Variants in PIWIL1 observed in about 807,000 individuals in gnomAD.
PIWIL1 encodes the protein piwi-like protein 1.
A neutral mutation model predicts 114.4 loss-of-function variants in PIWIL1; 73 were observed. The observed-to-expected ratio is 0.64, with a 90% CI of 0.53 to 0.78. The LOEUF is 0.78. Among genes scored for constraint, PIWIL1 ranks in the 30% least tolerant of loss-of-function variants. The pLI is 0.00. For synonymous variants in PIWIL1, 375 were observed against 369.0 expected, an observed-to-expected ratio of 1.02 and a Z score of -0.19; for missense variants, 723 against 1,063.1, an observed-to-expected ratio of 0.68 and a Z score of 4.45.
chr12:130,342,547 T>C, intron 1 of PIWIL1, 33 bp from the exon 2 acceptor site: 3 of 1,260,382 alleles, frequency 2.4e-6, no homozygotes, highest in Non-Finnish European at 3.5e-6. Context: ...TTGCCTCCAT[T>C]GAGTATTGTC....
chr12:130,395,337 G>A, the PIWIL1 span, among the ~76,000 whole-genome samples: 18 of 152,200 alleles, frequency 1.2e-4, no homozygotes, highest in Non-Finnish European at 2.1e-4. Context: ...GTGACTCTCA[G>A]CTCAGTCTGG....
At chr12:130,422,195 A>G in the PIWIL1 span, among the ~76,000 whole-genome samples, 1 of 152,204 alleles carries the variant, frequency 6.6e-6, no homozygotes, top group East Asian at 1.9e-4. This position sits in a 1 kb window ranked among gnomAD's most constrained non-coding sequence, Gnocchi z 5.2. Flanking sequence ...TCCCCCCTTC[A>G]GTGCTTACCC....
At chr12:130,409,827 G>A in the PIWIL1 span, among the ~76,000 whole-genome samples, 11 of 152,228 alleles carry the variant, frequency 7.2e-5, no homozygotes, top group East Asian at 5.8e-4. Context: ...TTTGATGACC[G>A]TTGGTCAAAC....
At chr12:130,364,517 T>C (rs1203198113) in intron 18 of PIWIL1, among the ~76,000 whole-genome samples, 2 of 152,332 alleles carry the variant, frequency 1.3e-5, no homozygotes, top group South Asian at 4.1e-4. Context: ...AAGTCAGGAG[T>C]GTTTTTATCT....
At chr12:130,396,995 G>A in the PIWIL1 span, 1 of 160,694 alleles carries the variant, frequency 6.2e-6, no homozygotes, top group Non-Finnish European at 1.4e-5. Flanking sequence ...CAAGCATTTT[G>A]AGAAGGGAGA....
intron 4 of PIWIL1, 152 bp from the exon 5 acceptor site, chr12:130,346,218 G>T: frequency 1.6e-6 from 1 of 620,926 alleles, no homozygotes; most frequent in South Asian, 2.1e-5. Context: ...AGAGACTAGT[G>T]GTCTCCAAAG....
At chr12:130,376,095 T>C (rs557893787), downstream of PIWIL1, among the ~76,000 whole-genome samples, 22 of 152,228 alleles carry the variant, frequency 1.4e-4, no homozygotes, top group Admixed American at 3.9e-4. Context: ...CCAGACCACA[T>C]CTCCAGGCCC....
At chr12:130,349,181 G>C in intron 7 of PIWIL1, 58 bp from the exon 8 acceptor site, 1 of 1,264,034 alleles carries the variant, frequency 7.9e-7, no homozygotes, top group Non-Finnish European at 1.1e-6. Flanking sequence ...GCAACTTAGT[G>C]TGTGCAGAAT....
At chr12:130,419,064 C>T in the PIWIL1 span, among the ~76,000 whole-genome samples, 6 of 152,290 alleles carry the variant, frequency 3.9e-5, no homozygotes, top group East Asian at 1.2e-3. This position sits in a 1 kb window ranked among gnomAD's most constrained non-coding sequence, Gnocchi z 4.3. Flanking sequence ...TATGTTCTTC[C>T]AGAGAGGATG....
intron 11 of PIWIL1, 100 bp from the exon 12 acceptor site, chr12:130,355,453 G>A (rs1178255647): frequency 1.9e-5 from 17 of 891,930 alleles, no homozygotes; most frequent in Middle Eastern, 2.2e-4. Context: ...CCCTGACGGC[G>A]ACATTGGAGT....
chr12:130,409,407 A>G, the PIWIL1 span, among the ~76,000 whole-genome samples: 9 of 128,568 alleles, frequency 7.0e-5, no homozygotes, highest in African/African-American at 2.1e-4. Flanking sequence ...CAGTGGCGCG[A>G]TCCCGGCTCA....
the PIWIL1 span, among the ~76,000 whole-genome samples, chr12:130,385,402 T>G: frequency 6.6e-6 from 1 of 152,374 alleles, no homozygotes; most frequent in African/African-American, 2.4e-5. Context: ...CTCCAGTTCA[T>G]TTGCTGTGCT....
chr12:130,412,321 T>C, the PIWIL1 span, among the ~76,000 whole-genome samples: 16 of 152,150 alleles, frequency 1.1e-4, no homozygotes, highest in African/African-American at 3.9e-4. Flanking sequence ...CAGCTAATCA[T>C]GTGTTTTCTA....
chr12:130,416,980 A>G, the PIWIL1 span, among the ~76,000 whole-genome samples: 3 of 152,090 alleles, frequency 2.0e-5, no homozygotes, highest in Non-Finnish European at 2.9e-5. Context: ...ATGTATAAAA[A>G]TAAATAAAAA....
the PIWIL1 span, chr12:130,424,717 C>G: frequency 8.1e-7 from 1 of 1,232,268 alleles, no homozygotes; most frequent in Middle Eastern, 3.1e-4. This position sits in a 1 kb window ranked among gnomAD's most constrained non-coding sequence, Gnocchi z 9.8. Context: ...GGCCCTGCAC[C>G]CTGCTTGTGT....
chr12:130,416,297 A>C, the PIWIL1 span, among the ~76,000 whole-genome samples: 1 of 152,240 alleles, frequency 6.6e-6, no homozygotes, highest in Non-Finnish European at 1.5e-5. Context: ...ACAAATCCGG[A>C]GGCATCACAT....
the PIWIL1 span, among the ~76,000 whole-genome samples, chr12:130,387,732 A>T: frequency 6.6e-6 from 1 of 150,860 alleles, no homozygotes; most frequent in Non-Finnish European, 1.5e-5. Flanking sequence ...CTGTCTCCTG[A>T]CCTCTCTGCT....
At chr12:130,420,347 C>A in the PIWIL1 span, among the ~76,000 whole-genome samples, 22 of 152,218 alleles carry the variant, frequency 1.4e-4, no homozygotes, top group Admixed American at 1.1e-3. This position sits in a 1 kb window ranked among gnomAD's most constrained non-coding sequence, Gnocchi z 4.3. Context: ...GCAAACCTAT[C>A]ATAGGTTTGT....
Position 130,349,974 on chromosome 12 carries a change from T to C in PIWIL1, c.1044+7T>C, listed in dbSNP as rs1256552418. 2 of 1,504,452 alleles carry C rather than the reference T, an allele frequency of 1.3e-6. No individual in the cohort carries two copies. The highest frequency in any genetic ancestry group is 1.8e-5 in the Admixed American group (1 of 56,626). The allele number at this position is 1,504,452 out of a possible 1,614,324, so 93.2% of individuals were successfully genotyped here. On this transcript the variant is annotated splice_region_variant and intron_variant, in intron 9 of 20. Transcript: ENST00000245255. The stretch of plus-strand genomic sequence containing the variant: ...CTTAGAATACTACAGGAAGGTAAGA[T>C]GCCAGTGGTTAGATCTCAGGAGAAA...
Sources: gnomAD v4.1 joint callset for allele counts (sites outside exome capture counted in the v4.1 genomes callset) on GRCh38, gnomAD v4.1.1 for gene constraint, Gnocchi (gnomAD v3.1) non-coding constraint, MANE v1.5 for transcripts, NCBI Gene and HGNC (gene_info 2026-07-23, HGNC 2026-07-21) for gene names.